Variants in LNX1 observed in about 807,000 individuals in gnomAD.
The protein encoded by LNX1 is ligand of numb-protein X 1.
A neutral mutation model predicts 68.4 loss-of-function variants in LNX1; 54 were observed. The observed-to-expected ratio is 0.79, with a 90% confidence interval of 0.63 to 0.99. The LOEUF is 0.99. LNX1 is among the 50% of genes least tolerant of loss of function. The probability of loss-of-function intolerance (pLI) is 0.00; values close to 1 mark genes in which losing one functional copy is unlikely to be tolerated. For missense variants in LNX1, 906 were observed against 926.4 expected (o/e 0.98, Z 0.29); for synonymous variants, 336 against 350.0 (o/e 0.96, Z 0.45).
At chr4:53,509,256 C>T (rs1726154276) in intron 2 of LNX1, among the ~76,000 whole-genome samples, 2 of 152,166 alleles carry the variant, frequency 1.3e-5, no homozygotes, top group Admixed American at 1.3e-4. Context: ...AGGAAGTGTC[C>T]ATTTGCATAT....
At chr4:53,468,697 C>T (rs1722893595) in intron 9 of LNX1, among the ~76,000 whole-genome samples, 1 of 152,186 alleles carries the variant, frequency 6.6e-6, no homozygotes, top group Non-Finnish European at 1.5e-5. Flanking sequence ...ATCCTAGTCT[C>T]TGATAAAACA....
At chr4:53,548,211 G>A (rs1729243946) in intron 2 of LNX1, among the ~76,000 whole-genome samples, 1 of 151,870 alleles carries the variant, frequency 6.6e-6, no homozygotes, top group Non-Finnish European at 1.5e-5. Context: ...TGCAGAAGTA[G>A]ACCATTTCCT....
intron 6 of LNX1, among the ~76,000 whole-genome samples, chr4:53,490,257 G>A (rs141180496): frequency 6.6e-6 from 1 of 152,118 alleles, no homozygotes; most frequent in Admixed American, 6.5e-5. Context: ...TGGAAAAAAG[G>A]CTTAAGAGGG....
rs1458650768 is a variant in LNX1 at position 53,576,321 on chromosome 4, C to T, written c.-86-2233G>A. ...CCAAGTTCCAGGAGCTGCGGTACAG[C>T]GTGGCCCTGGTCCTAAAGGAGATGG... is the stretch of plus-strand genomic sequence containing the variant. On this transcript the variant is annotated intron_variant, in intron 1 of 10. Transcript: ENST00000263925. 66 of 1,612,288 alleles carry T rather than the reference C, an allele frequency of 4.1e-5. 1 individual carries two copies. The East Asian group carries it at 6.9e-4, about 17-fold the overall frequency.
At chr4:53,563,463 G>A (rs1456861726) in intron 2 of LNX1, among the ~76,000 whole-genome samples, 2 of 152,118 alleles carry the variant, frequency 1.3e-5, no homozygotes, top group Non-Finnish European at 2.9e-5. Flanking sequence ...GGAGTAAGAG[G>A]GGGGCCTACT....
intron 4 of LNX1, 97 bp from the exon 5 acceptor site, chr4:53,498,940 T>C (rs569711152): frequency 1.2e-6 from 1 of 867,570 alleles, no homozygotes; most frequent in East Asian, 2.5e-5. Flanking sequence ...AACTAAACTA[T>C]TCATTTTTCC....
chr4:53,520,429 C>G (rs768754306), intron 2 of LNX1, among the ~76,000 whole-genome samples: 3 of 152,164 alleles, frequency 2.0e-5, no homozygotes, highest in East Asian at 1.9e-4. Context: ...CATGCCAGGT[C>G]AATTCTTCAG....
chr4:53,608,725 G>A (rs185787850), intron 2 of LNX1, among the ~76,000 whole-genome samples: 3 of 152,110 alleles, frequency 2.0e-5, no homozygotes, highest in East Asian at 3.9e-4. Flanking sequence ...GCCCATCAAC[G>A]GTAGAATGGA....
At chr4:53,526,302 G>A (rs1250287119) in intron 2 of LNX1, among the ~76,000 whole-genome samples, 1 of 152,112 alleles carries the variant, frequency 6.6e-6, no homozygotes, top group Non-Finnish European at 1.5e-5. Flanking sequence ...AAAATGATGA[G>A]TACTGGTTAT....
chr4:53,546,181 C>G (rs1177069667), intron 2 of LNX1, among the ~76,000 whole-genome samples: 1 of 152,316 alleles, frequency 6.6e-6, no homozygotes, highest in Admixed American at 6.5e-5. Context: ...TGCCTCTCTG[C>G]TGCCATCCTT....
intron 5 of LNX1, 41 bp downstream of exon 5, chr4:53,498,600 T>C (rs1298845861): frequency 4.7e-6 from 7 of 1,491,342 alleles, no homozygotes; most frequent in Non-Finnish European, 5.6e-6. Context: ...CATTTTTTTA[T>C]ATCAAGCCCC....
intron 2 of LNX1, among the ~76,000 whole-genome samples, chr4:53,566,132 C>A (rs1730669567): frequency 6.6e-6 from 1 of 151,866 alleles, no homozygotes; most frequent in Admixed American, 6.6e-5. Context: ...CGTTCAGATT[C>A]AGGAAATACA....
intron 2 of LNX1, among the ~76,000 whole-genome samples, chr4:53,529,098 G>A (rs1727836447): frequency 4.4e-5 from 2 of 45,944 alleles, no homozygotes; most frequent in Admixed American, 3.2e-4. Flanking sequence ...TAAGAGTCCT[G>A]ACCAACACAC....
intron 1 of LNX1, among the ~76,000 whole-genome samples, chr4:53,635,526 G>A (rs1486018925): frequency 3.3e-5 from 5 of 151,826 alleles, no homozygotes; most frequent in Non-Finnish European, 7.4e-5. Flanking sequence ...TTAATATATT[G>A]CAATTATTTT....
At chr4:53,534,842 G>A (rs1392628046) in intron 2 of LNX1, among the ~76,000 whole-genome samples, 1 of 152,210 alleles carries the variant, frequency 6.6e-6, no homozygotes, top group African/African-American at 2.4e-5. Flanking sequence ...AGACTGCTAT[G>A]TCTGGGGACC....
chr4:53,609,820 A>C (rs1733407089), intron 2 of LNX1, among the ~76,000 whole-genome samples: 1 of 146,012 alleles, frequency 6.8e-6, no homozygotes, highest in Non-Finnish European at 1.5e-5. Flanking sequence ...CATCAATATA[A>C]AATTTCTACA....
chr4:53,522,148 T>C (rs1317584806), intron 2 of LNX1, among the ~76,000 whole-genome samples: 4 of 152,144 alleles, frequency 2.6e-5, no homozygotes, highest in Admixed American at 2.6e-4. Flanking sequence ...ACAAGGCTTC[T>C]TGCAGTCAGA....
At chr4:53,493,014 G>A (rs1293719525) in intron 6 of LNX1, among the ~76,000 whole-genome samples, 2 of 152,080 alleles carry the variant, frequency 1.3e-5, no homozygotes, top group African/African-American at 4.8e-5. Flanking sequence ...TCTGTCTCCA[G>A]GCTGGAGTGC....
At position 53,481,757 on chromosome 4, in the gene LNX1, C is replaced by T; in HGVS notation, c.1448G>A (p.Trp483Ter). 5.0e-6 allele frequency: 8 copies of T among 1,613,870 alleles called. No homozygotes were observed. The highest frequency in any genetic ancestry group is 6.8e-6 in the Non-Finnish European group (8 of 1,179,852). Residue 483 changes from tryptophan (W) to a stop codon, truncating the protein, a stop_gained, in exon 7 of 11, where the codon TGG (tryptophan) becomes TAG (stop). Transcript: ENST00000263925. LOFTEE classifies it high-confidence loss of function. ...QEAGWNSNGS[W>*]SPGPGERSNT... ...GCTCCTCTCCCCTGGCCCTGGGGAC[C>T]AGCTGCCATTGCTGTTCCAGCCGGC...
Sources: gnomAD v4.1 joint callset for allele counts (sites outside exome capture counted in the v4.1 genomes callset) on GRCh38, gnomAD v4.1.1 for gene constraint, MANE v1.5 for transcripts, NCBI Gene and HGNC (gene_info 2026-07-23, HGNC 2026-07-21) for gene names.